TRPV1: variants seen among roughly 807,000 people sequenced by gnomAD.
TRPV1 encodes OTRPC1.
TRPV1 carries 82 observed loss-of-function variants against 82.3 expected under a neutral mutation model. The ratio of observed to expected loss-of-function variants is 1.00; its 90% CI spans 0.83 to 1.20. The LOEUF (loss-of-function observed/expected upper bound fraction) is 1.20. TRPV1 is among the 50% of genes most tolerant of loss of function. The pLI, the probability that TRPV1 is intolerant of heterozygous loss-of-function variation, is 0.00. For synonymous variants in TRPV1, 515 were observed against 467.7 expected (o/e 1.10, Z -1.30); for missense variants, 1,067 against 1,096.8 (o/e 0.97, Z 0.38).
chr17:3,567,058 C>T, intron 16 of TRPV1, 71 bp from the exon 17 acceptor site: 1 of 1,554,740 alleles, frequency 6.4e-7, no homozygotes, highest in East Asian at 2.3e-5. Context: ...CCCAAGTCTC[C>T]AGATAAAAGG....
chr17:3,603,407 C>T (rs1247032993), intron 2 of TRPV1, among the ~76,000 whole-genome samples: 2 of 152,148 alleles, frequency 1.3e-5, no homozygotes, highest in Non-Finnish European at 1.5e-5. Flanking sequence ...GGAGGGTCAG[C>T]AGGTGGGTAG....
chr17:3,573,600 G>T (rs199754898), intron 14 of TRPV1, 33 bp downstream of exon 14: 2 of 1,241,414 alleles, frequency 1.6e-6, no homozygotes, highest in South Asian at 1.4e-5. Flanking sequence ...CACTCTCCGC[G>T]CCACTCACCA....
At chr17:3,581,016 C>CAAAAA (rs557964098) in intron 10 of TRPV1, among the ~76,000 whole-genome samples, 1 of 117,436 alleles carries the variant, frequency 8.5e-6, no homozygotes. Flanking sequence ...GACTCCATCT[C>CAAAAA]AAAAAAAAAA....
intron 5 of TRPV1, 150 bp downstream of exon 5, chr17:3,590,814 C>G: frequency 8.9e-7 from 1 of 1,126,428 alleles, no homozygotes; most frequent in Non-Finnish European, 1.2e-6. Context: ...ATGGGAGAGG[C>G]AGGGACCCCC....
chr17:3,607,137 C>G (rs1271679383), intron 2 of TRPV1, among the ~76,000 whole-genome samples: 2 of 152,152 alleles, frequency 1.3e-5, no homozygotes, highest in Non-Finnish European at 2.9e-5. Context: ...CACCTGAGGT[C>G]AGGAGTTCAA....
At chr17:3,597,672 C>CTT (rs34662119) in intron 2 of TRPV1, among the ~76,000 whole-genome samples, 12,118 of 117,862 alleles carry the variant, frequency 0.1, 2,592 homozygotes, top group African/African-American at 0.39. Context: ...GTGTCATTTC[C>CTT]TTTTTTTTTT....
Position 3,590,878 on chromosome 17 carries a change from G to T in TRPV1, c.604+86C>A, listed in dbSNP as rs1228968654. ...TGGGACAGGGAGTAAGGATCCCAGA[G>T]AAGCAAGGAGGCCCAGGGACAACCA... On this transcript the variant is annotated intron_variant, in intron 5 of 16. Transcript: ENST00000572705. The T allele has an allele frequency of 1.6e-5, 23 of 1,465,152 alleles. No individual in the cohort carries two copies. In the South Asian group the frequency reaches 3.1e-4, roughly 20 times the overall value. The allele number at this position is 1,465,152 out of a possible 1,614,324, so 90.8% of individuals were successfully genotyped here.
At chr17:3,594,662 C>T (rs532333811) in intron 2 of TRPV1, among the ~76,000 whole-genome samples, 23 of 152,360 alleles carry the variant, frequency 1.5e-4, no homozygotes, top group African/African-American at 5.3e-4. Context: ...CACAGAAAGC[C>T]GATTCCCTCA....
rs1172956623 is a variant in TRPV1, at chr17:3,589,799, CCT to C, written c.1044+6_1044+7del. 1 of 1,604,804 alleles carries C rather than the reference CCT, an allele frequency of 6.2e-7. No individual in the cohort carries two copies. The highest frequency in any genetic ancestry group is 1.3e-5 in the African/African-American group (1 of 74,804). On this transcript the variant is annotated splice_donor_region_variant and intron_variant, in intron 7 of 16. Coordinates refer to ENST00000572705, the MANE Select transcript of TRPV1 (RefSeq NM_080704.4). Reference sequence around the variant, plus strand: ...ACCGCACCAGCCTGAGCCGAAGCCCCCTCTTACCCCGATCTTCCCGGTCCCAG... The same window carrying C: ...ACCGCACCAGCCTGAGCCGAAGCCCCCTTACCCCGATCTTCCCGGTCCCAG...
chr17:3,584,693 G>A (rs1347381333), intron 9 of TRPV1, among the ~76,000 whole-genome samples: 1 of 152,012 alleles, frequency 6.6e-6, no homozygotes, highest in Non-Finnish European at 1.5e-5. Context: ...CTATTCGGGA[G>A]GCCGAGGCAG....
At chr17:3,598,097 C>G (rs1177818217) in intron 2 of TRPV1, among the ~76,000 whole-genome samples, 3 of 152,260 alleles carry the variant, frequency 2.0e-5, no homozygotes, top group African/African-American at 7.2e-5. Context: ...GTTTCATTCT[C>G]TCCCAGACCC....
Position 3,592,395 on chromosome 17 carries a change from AC to A in TRPV1, c.-33-13del, listed in dbSNP as rs1463655610. On this transcript the variant is annotated splice_polypyrimidine_tract_variant and intron_variant, in intron 2 of 16. Transcript: ENST00000572705. ...GCCCAGTGTGCAACCTGCAGCAGCC[AC>A]CACGCCGGGGTTGACTCCCAAAGTA... 3 of 1,541,486 alleles carry A rather than the reference AC, an allele frequency of 1.9e-6. No individual in the cohort carries two copies. The African/African-American group carries it at 4.1e-5, about 21-fold the overall frequency.
intron 7 of TRPV1, among the ~76,000 whole-genome samples, chr17:3,589,297 C>A (rs2075124116): frequency 6.6e-6 from 1 of 150,892 alleles, no homozygotes; most frequent in Non-Finnish European, 1.5e-5. Context: ...ACCTCCGCCT[C>A]CCAAGTTCAA....
intron 16 of TRPV1, among the ~76,000 whole-genome samples, chr17:3,568,815 G>A (rs976118694): frequency 2.0e-5 from 3 of 152,058 alleles, no homozygotes; most frequent in Non-Finnish European, 2.9e-5. Flanking sequence ...ACCAAGGTGC[G>A]CAGATCACCT....
rs898092991 is a variant in TRPV1, at chr17:3,592,311, C to A, written c.40G>T (p.Asp14Tyr). The change falls in exon 3 of 17, where the codon GAC (aspartate) becomes TAC (tyrosine). Residue 14 changes from aspartate (D) to tyrosine (Y), a missense_variant. Asp to Tyr is a radical substitution (Grantham distance 160, BLOSUM62 -3). Coordinates refer to ENST00000572705, the MANE Select transcript of TRPV1 (RefSeq NM_080704.4). Reference sequence around the variant, plus strand: ...GGGCAGGTGTCCTTTTGGAGTGGGTCCGCAGCTGCCCCCAAGTCTGTGCTG... The same window carrying A: ...GGGCAGGTGTCCTTTTGGAGTGGGTACGCAGCTGCCCCCAAGTCTGTGCTG... ...WSSTDLGAAA[D>Y]PLQKDTCPDP... 2.5e-6 allele frequency: 4 copies of A among 1,598,482 alleles called. No individual in the cohort carries two copies. The highest frequency in any genetic ancestry group is 3.4e-6 in the Non-Finnish European group (4 of 1,172,334).
chr17:3,577,105 A>G, intron 13 of TRPV1, 21 bp downstream of exon 13: 1 of 1,571,998 alleles, frequency 6.4e-7, no homozygotes, highest in Non-Finnish European at 8.6e-7. Flanking sequence ...GCCCTCCCCC[A>G]GCGCTGACCA....
Position 3,589,829 on chromosome 17 carries a change from GC to G in TRPV1, c.1021del (p.Ala341GlnfsTer59). 1 of 1,613,522 alleles carries G rather than the reference GC, an allele frequency of 6.2e-7. No homozygotes were observed. ...NKKGMTPLALAAGTGKIGVLA... is the reference protein window; with the variant it reads ...NKKGMTPLALXAGTGKIGVLA... The stretch of plus-strand genomic sequence containing the variant: ...TACCCCGATCTTCCCGGTCCCAGCT[GC>G]CAGAGCCAGCGGCGTCATTCCCTTC... On this transcript the variant is annotated frameshift_variant, in exon 7 of 17. Transcript: ENST00000572705. LOFTEE classifies it high-confidence loss of function.
intron 16 of TRPV1, among the ~76,000 whole-genome samples, chr17:3,568,494 C>T (rs912392017): frequency 4.6e-5 from 7 of 152,202 alleles, no homozygotes; most frequent in African/African-American, 1.7e-4. Flanking sequence ...GAAAATCACA[C>T]GATCGCAGGA....
At chr17:3,583,579 C>T (rs756483536) in intron 9 of TRPV1, 149 bp from the exon 10 acceptor site, 80 of 689,012 alleles carry the variant, frequency 1.2e-4, no homozygotes, top group Non-Finnish European at 1.6e-4. Flanking sequence ...ATTAGGGGAG[C>T]GCCCGCAAGG....
Sources: allele counts gnomAD v4.1 joint callset (sites outside exome capture counted in the v4.1 genomes callset), GRCh38; gene constraint gnomAD v4.1.1; transcripts MANE v1.5; gene names NCBI Gene and HGNC (gene_info 2026-07-23, HGNC 2026-07-21).